KHDRBS2: variants seen among roughly 807,000 people sequenced by gnomAD.
The protein encoded by KHDRBS2 is KH RNA binding domain containing, signal transduction associated 2, also known as KH domain-containing, RNA-binding, signal transduction-associated protein 2.
Under a neutral mutation model 44.3 loss-of-function variants are expected in KHDRBS2, and 26 were observed. The observed-to-expected ratio is 0.59, with a 90% CI of 0.43 to 0.81. KHDRBS2 has a LOEUF of 0.81. KHDRBS2 is among the 40% of genes least tolerant of loss of function. The pLI, the probability that KHDRBS2 is intolerant of heterozygous loss-of-function variation, is 0.00. For synonymous variants in KHDRBS2, 194 were observed against 151.1 expected (o/e 1.28, Z -2.08); for missense variants, 476 against 433.1 (o/e 1.10, Z -0.88).
chr6:62,169,988 CT>C (rs1281590432), intron 2 of KHDRBS2, among the ~76,000 whole-genome samples: 1 of 151,654 alleles, frequency 6.6e-6, no homozygotes, highest in African/African-American at 2.4e-5. Context: ...TTCTTACAGT[CT>C]TAGAAAATAC....
chr6:61,558,374 C>A, the KHDRBS2 span, among the ~76,000 whole-genome samples: 1 of 152,018 alleles, frequency 6.6e-6, no homozygotes, highest in Admixed American at 6.6e-5. Flanking sequence ...CCAGCCTGAG[C>A]AACATGGCAA....
chr6:61,586,236 T>A, the KHDRBS2 span, among the ~76,000 whole-genome samples: 2 of 152,330 alleles, frequency 1.3e-5, no homozygotes, highest in African/African-American at 4.8e-5. Context: ...TGCTTTGATT[T>A]AAGATACAGC....
intron 4 of KHDRBS2, among the ~76,000 whole-genome samples, chr6:61,921,278 T>G (rs988623255): frequency 6.6e-6 from 1 of 151,958 alleles, no homozygotes; most frequent in African/African-American, 2.4e-5. Context: ...AAATGCTAAA[T>G]TGTACCAATC....
chr6:62,203,533 T>C (rs1443561839), intron 1 of KHDRBS2, among the ~76,000 whole-genome samples: 1 of 152,062 alleles, frequency 6.6e-6, no homozygotes, highest in Non-Finnish European at 1.5e-5. Context: ...TGTGAAAGAA[T>C]GAGTGTGCAT....
the KHDRBS2 span, among the ~76,000 whole-genome samples, chr6:61,647,708 G>A: frequency 6.6e-6 from 1 of 152,082 alleles, no homozygotes; most frequent in Non-Finnish European, 1.5e-5. Flanking sequence ...AGAAGTAGAG[G>A]ATATTGTATC....
chr6:62,273,051 T>A (rs528535433), intron 1 of KHDRBS2, among the ~76,000 whole-genome samples: 64 of 152,172 alleles, frequency 4.2e-4, no homozygotes, highest in African/African-American at 1.5e-3. Context: ...CAGAATAACA[T>A]GGGTCTTTAA....
chr6:62,246,212 T>C (rs1200943203), intron 1 of KHDRBS2, among the ~76,000 whole-genome samples: 2 of 149,872 alleles, frequency 1.3e-5, no homozygotes, highest in Non-Finnish European at 3.0e-5. Flanking sequence ...AGAAGAGGAA[T>C]GTATATTAAA....
intron 2 of KHDRBS2, among the ~76,000 whole-genome samples, chr6:62,159,586 G>A (rs1341402845): frequency 1.3e-5 from 2 of 152,012 alleles, no homozygotes; most frequent in African/African-American, 4.8e-5. Flanking sequence ...ATGACAAGGG[G>A]GTTGGGACAT....
intron 1 of KHDRBS2, among the ~76,000 whole-genome samples, chr6:62,256,335 C>T (rs547888554): frequency 2.0e-5 from 3 of 152,010 alleles, no homozygotes; most frequent in African/African-American, 7.2e-5. Context: ...CCACCCAAAT[C>T]TGATCTTGAA....
chr6:61,933,183 G>C (rs1175413814), intron 4 of KHDRBS2, among the ~76,000 whole-genome samples: 2 of 152,186 alleles, frequency 1.3e-5, no homozygotes, highest in Non-Finnish European at 2.9e-5. Flanking sequence ...AAGAGGAAGA[G>C]AGAGAAGGAA....
rs142700510 is a variant in KHDRBS2, at chr6:62,052,568, G to A, written c.220-4574C>T. 9.2e-3 allele frequency among the ~76,000 whole-genome samples: 1,233 copies of A among 134,230 alleles called. 15 individuals are homozygous for A. The highest frequency in any genetic ancestry group is 0.032 in the African/African-American group (1,145 of 35,864). 88.1% of individuals were successfully genotyped at this position (134,230 alleles called of 152,430 possible). ...AATCCTCAACCTTTTTGGCACCAGG[G>A]ACCAGTTGCGTGGAAGACAATTTTT... On this transcript the variant is annotated intron_variant, in intron 2 of 8. Transcript: ENST00000281156.
chr6:61,945,117 A>ATATATATATATG (rs1813039673), intron 4 of KHDRBS2, among the ~76,000 whole-genome samples: 1 of 52,978 alleles, frequency 1.9e-5, no homozygotes, highest in Non-Finnish European at 3.7e-5. Flanking sequence ...AAAAAAGTAT[A>ATATATATATATG]TATATATATA....
intron 1 of KHDRBS2, among the ~76,000 whole-genome samples, chr6:62,226,309 T>C (rs12523748): frequency 5.3e-5 from 8 of 152,218 alleles, no homozygotes; most frequent in Admixed American, 5.2e-4. Context: ...CTTTTTATCA[T>C]ATGTTTGTTG....
Position 61,704,907 on chromosome 6 carries a change from C to T in KHDRBS2, c.894-7654G>A, listed in dbSNP as rs574899546. Among the ~76,000 whole-genome samples, 9 of 151,834 alleles carry T rather than the reference C, an allele frequency of 5.9e-5. No homozygotes were observed. The South Asian group carries it at 8.3e-4, about 14-fold the overall frequency. ...CTTGGGCTTTTTTGTTAAATTAAAA[C>T]GTGAGAAAATTGACATATTAAGATA... On this transcript the variant is annotated intron_variant, in intron 7 of 8. Transcript: ENST00000281156.
chr6:61,683,529 C>T (rs1260924894), intron 8 of KHDRBS2, among the ~76,000 whole-genome samples: 1 of 151,640 alleles, frequency 6.6e-6, no homozygotes, highest in Non-Finnish European at 1.5e-5. Context: ...CAGAAAGTTC[C>T]AGTGATAATT....
the KHDRBS2 span, among the ~76,000 whole-genome samples, chr6:61,630,869 T>C: frequency 1.3e-5 from 2 of 152,200 alleles, no homozygotes; most frequent in African/African-American, 4.8e-5. Context: ...TGAACTCTTA[T>C]ATCACGATTC....
the KHDRBS2 span, among the ~76,000 whole-genome samples, chr6:61,587,663 A>C: frequency 6.6e-6 from 1 of 152,238 alleles, no homozygotes; most frequent in South Asian, 2.1e-4. Flanking sequence ...AAAAAAAATG[A>C]TATTTTTGAT....
At chr6:61,844,131 T>C (rs558028225) in intron 6 of KHDRBS2, among the ~76,000 whole-genome samples, 8 of 152,284 alleles carry the variant, frequency 5.3e-5, no homozygotes, top group Admixed American at 4.6e-4. Flanking sequence ...AATAAAGTTC[T>C]ACCTCCCAGG....
the KHDRBS2 span, among the ~76,000 whole-genome samples, chr6:61,580,723 C>G: frequency 6.6e-6 from 1 of 152,074 alleles, no homozygotes; most frequent in Non-Finnish European, 1.5e-5. Flanking sequence ...CTGTAACACT[C>G]GCTGTGAAGG....
Sources: allele counts gnomAD v4.1 joint callset (sites outside exome capture counted in the v4.1 genomes callset), GRCh38; gene constraint gnomAD v4.1.1; transcripts MANE v1.5; gene names NCBI Gene and HGNC (gene_info 2026-07-23, HGNC 2026-07-21).